TRMT10C: variants seen among roughly 807,000 people sequenced by gnomAD.
TRMT10C encodes the protein tRNA methyltransferase 10 homolog C.
Under a neutral mutation model 27.4 loss-of-function variants are expected in TRMT10C, and 14 were observed. The ratio of observed to expected loss-of-function variants is 0.51; its 90% CI spans 0.34 to 0.80. The LOEUF (loss-of-function observed/expected upper bound fraction) is 0.80, where lower values mean the gene tolerates loss of function less well. Ranked by LOEUF, TRMT10C falls within the 30% of genes least tolerant of loss-of-function variation. TRMT10C has a pLI of 0.02. For missense variants in TRMT10C, 438 were observed against 464.8 expected (o/e 0.94, Z 0.53); for synonymous variants, 143 against 155.9 (o/e 0.92, Z 0.62).
At chr3:101,562,989 A>G (rs1055033892) in intron 1 of TRMT10C, among the ~76,000 whole-genome samples, 1 of 152,228 alleles carries the variant, frequency 6.6e-6, no homozygotes, top group Non-Finnish European at 1.5e-5. Context: ...CAATAAGCTT[A>G]GAAATATATG....
At position 101,565,122 on chromosome 3, in the gene TRMT10C, A is replaced by T; in HGVS notation, c.341A>T (p.Glu114Val). Residue 114 changes from glutamate to valine, a missense_variant, in exon 2 of 2, where the codon GAA (glutamate) becomes GTA (valine). By Grantham distance (121) the Glu-to-Val change is moderately radical (BLOSUM62 -2). This residue lies in a region of TRMT10C where 350 missense variants were observed against 370.5 expected (regional missense o/e 0.94). Coordinates refer to ENST00000309922, the MANE Select transcript of TRMT10C (RefSeq NM_017819.4). ...AGAGAAGTACCAGAACACATCACTG[A>T]AGAAGAGCTCAAAACCCTTATGGAA... ...LGREVPEHIT[E>V]EELKTLMECV... The T allele has an allele frequency of 6.2e-7, 1 of 1,613,864 alleles. No homozygotes were observed. Among genetic ancestry groups the T allele is most frequent in the Non-Finnish European group, 8.5e-7 (1 of 1,179,856 alleles).
chr3:101,563,521 A>G (rs1477886588), intron 1 of TRMT10C, among the ~76,000 whole-genome samples: 1 of 152,100 alleles, frequency 6.6e-6, no homozygotes, highest in Non-Finnish European at 1.5e-5. Context: ...ACATCTCAGA[A>G]GGGAAATGTA....
intron 1 of TRMT10C, among the ~76,000 whole-genome samples, chr3:101,562,938 T>C (rs966905785): frequency 1.3e-5 from 2 of 152,014 alleles, no homozygotes; most frequent in African/African-American, 4.8e-5. Flanking sequence ...ATACTTGAAG[T>C]GTGAGGTGAA....
intron 1 of TRMT10C, among the ~76,000 whole-genome samples, chr3:101,562,551 T>C (rs558326001): frequency 6.6e-6 from 1 of 152,186 alleles, no homozygotes; most frequent in Non-Finnish European, 1.5e-5. Context: ...CTCGGGAGGC[T>C]GAGGCAGGAG....
In TRMT10C at chr3:101,565,489, A is replaced by G; in HGVS notation, c.708A>G (p.Arg236=). 6.2e-7 allele frequency: 1 copy of G among 1,614,050 alleles called. No individual in the cohort carries two copies. The highest frequency in any genetic ancestry group is 1.3e-5 in the African/African-American group (1 of 75,036). Reference sequence around the variant, plus strand: ...TAGAAAGTGAAGGATGGAACAGAAGAAATGTTGATCCTTTCCATATTTATT... The same window carrying G: ...TAGAAAGTGAAGGATGGAACAGAAGGAATGTTGATCCTTTCCATATTTATT... ...QLLESEGWNR[R]NVDPFHIYFC... Residue 236 remains arginine (R), a synonymous_variant, in exon 2 of 2, where the codon AGA becomes AGG. Coordinates refer to ENST00000309922, the MANE Select transcript of TRMT10C (RefSeq NM_017819.4).
Position 101,565,530 on chromosome 3 carries a change from T to C in TRMT10C, c.749T>C (p.Ile250Thr), listed in dbSNP as rs368845853. 6.2e-7 allele frequency: 1 copy of C among 1,613,552 alleles called. No homozygotes were observed. ...CATATTTATTTCTGCAATCTAAAAA[T>C]AGATGGTGCTTTGCACAGAGAGTTA... ...PFHIYFCNLKIDGALHRELVK... is the reference protein window; with the variant it reads ...PFHIYFCNLKTDGALHRELVK... The change falls in exon 2 of 2, where the codon ATA (isoleucine) becomes ACA (threonine). Residue 250 changes from isoleucine (I) to threonine (T), a missense_variant. By Grantham distance (89) the Ile-to-Thr change is moderately conservative. This residue lies in a region of TRMT10C where 350 missense variants were observed against 370.5 expected (regional missense o/e 0.94). Coordinates refer to ENST00000309922, the MANE Select transcript of TRMT10C (RefSeq NM_017819.4).
chr3:101,565,309 C>T lies in TRMT10C; in HGVS notation c.528C>T (p.Asn176=). 1.9e-6 allele frequency: 3 copies of T among 1,613,452 alleles called. No homozygotes were observed. Among genetic ancestry groups the T allele is most frequent in the Non-Finnish European group, 2.5e-6 (3 of 1,179,800 alleles). The change falls in exon 2 of 2, where the codon AAC becomes AAT. Residue 176 remains asparagine (N), a synonymous_variant. Transcript: ENST00000309922. ...LETTEEDKQK[N]FLFLRLWDRN... is the part of the protein sequence containing the mutation. ...CCACTGAGGAAGATAAACAGAAAAA[C>T]TTTCTATTTTTACGACTTTGGGATA... is the stretch of plus-strand genomic sequence containing the variant.
chr3:101,563,888 A>G (rs974415863), intron 1 of TRMT10C, among the ~76,000 whole-genome samples: 1 of 152,238 alleles, frequency 6.6e-6, no homozygotes, highest in African/African-American at 2.4e-5. Context: ...TTGCTGCAAA[A>G]TAAAGCCTGA....
In TRMT10C at chr3:101,565,840, A is replaced by G. The variant is rs775696131; in HGVS notation, c.1059A>G (p.Leu353=). 6.2e-7 allele frequency: 1 copy of G among 1,614,198 alleles called. No homozygotes were observed. The highest frequency in any genetic ancestry group is 1.1e-5 in the South Asian group (1 of 91,088). Residue 353 remains leucine (L), a synonymous_variant, in exon 2 of 2, where the codon TTA becomes TTG. Coordinates refer to ENST00000309922, the MANE Select transcript of TRMT10C (RefSeq NM_017819.4). ...QWEIGNKNLT[L]DQMIRILLCL... ...AAATTGGTAACAAAAATCTCACCTTAGATCAAATGATACGTATTTTGTTAT... is the reference window on the plus strand; with the variant it reads ...AAATTGGTAACAAAAATCTCACCTTGGATCAAATGATACGTATTTTGTTAT...
At position 101,566,018 on chromosome 3, in the gene TRMT10C, T is replaced by C. The variant is rs369442238; in HGVS notation, c.*25T>C. The stretch of plus-strand genomic sequence containing the variant: ...ATTCATTTTCAAAAGGTTCTCTGAA[T>C]GTGCACAGAACACGTGGCTCAAATG... On this transcript the variant is annotated 3_prime_UTR_variant, in exon 2 of 2. Transcript: ENST00000309922. The C allele has an allele frequency of 8.6e-5, 135 of 1,567,768 alleles. 1 individual carries two copies. Among genetic ancestry groups the C allele is most frequent in the Middle Eastern group, 8.6e-4 (5 of 5,824 alleles).
At chr3:101,563,773 A>G (rs1934464005) in intron 1 of TRMT10C, among the ~76,000 whole-genome samples, 1 of 152,238 alleles carries the variant, frequency 6.6e-6, no homozygotes. Flanking sequence ...AAGCATCTTC[A>G]ATATCTCATG....
At chr3:101,563,312 C>G (rs1012238775) in intron 1 of TRMT10C, among the ~76,000 whole-genome samples, 4 of 152,072 alleles carry the variant, frequency 2.6e-5, no homozygotes, top group Non-Finnish European at 5.9e-5. Context: ...CATGCGCCAC[C>G]ACACCTGGCT....
chr3:101,565,854 G>T lies in TRMT10C; in HGVS notation c.1073G>T (p.Arg358Leu), dbSNP rs1378361147. Residue 358 changes from arginine to leucine, a missense_variant, in exon 2 of 2, where the codon CGT (arginine) becomes CTT (leucine). Transcript: ENST00000309922. ...NKNLTLDQMIRILLCLKNNGN... is the reference protein window; with the variant it reads ...NKNLTLDQMILILLCLKNNGN... ...AATCTCACCTTAGATCAAATGATAC[G>T]TATTTTGTTATGTCTGAAAAACAAT... is the stretch of plus-strand genomic sequence containing the variant. 1 of 1,614,090 alleles carries T rather than the reference G, an allele frequency of 6.2e-7. No individual in the cohort carries two copies. Among genetic ancestry groups the T allele is most frequent in the Non-Finnish European group, 8.5e-7 (1 of 1,179,998 alleles).
At position 101,565,396 on chromosome 3, in the gene TRMT10C, G is replaced by T; in HGVS notation, c.615G>T (p.Leu205Phe). 1 of 1,614,088 alleles carries T rather than the reference G, an allele frequency of 6.2e-7. No homozygotes were observed. Among genetic ancestry groups the T allele is most frequent in the Non-Finnish European group, 8.5e-7 (1 of 1,180,008 alleles). Residue 205 changes from leucine to phenylalanine, a missense_variant, in exon 2 of 2, where the codon TTG becomes TTT. Leu to Phe is a conservative substitution (Grantham distance 22). Transcript: ENST00000309922. ...AGGCCATGCAGTTTGGACAACCTTT[G>T]GTTTTTGACATGGCTTACGAAAATT... The part of the protein sequence containing the change: ...GAQAMQFGQP[L>F]VFDMAYENYM...
rs1934510789 is a variant in TRMT10C at position 101,566,139 on chromosome 3, T to C, written c.*146T>C. 3.2e-6 allele frequency: 3 copies of C among 945,374 alleles called. No individual in the cohort carries two copies. Among genetic ancestry groups the C allele is most frequent in the South Asian group, 3.9e-5 (2 of 50,942 alleles). The allele number at this position is 945,374 out of a possible 1,614,324, so 58.6% of individuals were successfully genotyped here. A position where few individuals can be genotyped will look rare whatever the true frequency, so the allele number is the denominator to read the frequency against. ...ATTCATTTTTCTCTTCTAAAGGTAG[T>C]CTTTCCCAACTGACTGTAGGGTTGT... is the stretch of plus-strand genomic sequence containing the variant. On this transcript the variant is annotated 3_prime_UTR_variant, in exon 2 of 2. Coordinates refer to ENST00000309922, the MANE Select transcript of TRMT10C (RefSeq NM_017819.4).
chr3:101,566,130 T>C lies in TRMT10C; in HGVS notation c.*137T>C. 1 of 1,039,428 alleles carries C rather than the reference T, an allele frequency of 9.6e-7. No homozygotes were observed. The highest frequency in any genetic ancestry group is 1.4e-6 in the Non-Finnish European group (1 of 733,522). The allele number at this position is 1,039,428 out of a possible 1,614,324, so 64.4% of individuals were successfully genotyped here. ...TCCCAAACAATTCATTTTTCTCTTC[T>C]AAAGGTAGTCTTTCCCAACTGACTG... On this transcript the variant is annotated 3_prime_UTR_variant, in exon 2 of 2. Transcript: ENST00000309922.
At chr3:101,564,126 C>T (rs1461707039) in intron 1 of TRMT10C, among the ~76,000 whole-genome samples, 2 of 151,904 alleles carry the variant, frequency 1.3e-5, no homozygotes, top group African/African-American at 2.4e-5. Flanking sequence ...TCAGCTGCCT[C>T]GGTGGTACAT....
chr3:101,563,488 C>T (rs1183311830), intron 1 of TRMT10C, among the ~76,000 whole-genome samples: 4 of 151,908 alleles, frequency 2.6e-5, no homozygotes, highest in Admixed American at 1.3e-4. Context: ...AATGCATGGT[C>T]ATTGAAGCCA....
In TRMT10C at chr3:101,566,209, T is replaced by C; in HGVS notation, c.*216T>C. 1 of 482,404 alleles carries C rather than the reference T, an allele frequency of 2.1e-6. No homozygotes were observed. The highest frequency in any genetic ancestry group is 3.7e-6 in the Non-Finnish European group (1 of 267,952). The allele number at this position is 482,404 out of a possible 1,614,324, so 29.9% of individuals were successfully genotyped here. On this transcript the variant is annotated 3_prime_UTR_variant, in exon 2 of 2. Transcript: ENST00000309922. ...TCTGCAGAACTTTGGGATTATACTT[T>C]GTTTACTGTAGAAAGATAATAAAAA... is the stretch of plus-strand genomic sequence containing the variant.
Sources: gnomAD v4.1 joint callset for allele counts (sites outside exome capture counted in the v4.1 genomes callset) on GRCh38, gnomAD v4.1.1 for gene constraint, gnomAD v4.1.1 regional missense constraint, MANE v1.5 for transcripts, NCBI Gene and HGNC (gene_info 2026-07-23, HGNC 2026-07-21) for gene names.